SMIM36: variants seen among roughly 807,000 people sequenced by gnomAD.
SMIM36 encodes small integral membrane protein 36.
At chr17:55,458,518 C>T (rs970417318) in intron 4 of SMIM36, 1 of 152,354 alleles carries the variant, frequency 6.6e-6, no homozygotes, top group African/African-American at 2.4e-5. Flanking sequence ...CCCGACACCA[C>T]CCTGGCCTGC....
In SMIM36 at chr17:55,488,637, T is replaced by C. The variant is rs575275660; in HGVS notation, c.*175-9057A>G. Among the ~76,000 whole-genome samples the C allele has an allele frequency of 2.0e-5, 3 of 152,360 alleles. 1 individual carries two copies. Among genetic ancestry groups the C allele is most frequent in the Admixed American group, 2.0e-4 (3 of 15,304 alleles). On this transcript the variant is annotated intron_variant, in intron 1 of 4. Coordinates refer to ENST00000636752, the Ensembl canonical transcript of SMIM36. The stretch of plus-strand genomic sequence containing the variant: ...CTGCAATGAGGACATACTATTCCAT[T>C]GTAAAGATGCACCATATGTTATTAA...
chr17:55,520,094 G>T, the SMIM36 span, among the ~76,000 whole-genome samples: 3 of 152,230 alleles, frequency 2.0e-5, no homozygotes, highest in African/African-American at 7.2e-5. Flanking sequence ...TCTTCTCATG[G>T]CTACTGGTAT....
chr17:55,487,524 G>A (rs185386651), intron 1 of SMIM36, among the ~76,000 whole-genome samples: 28 of 152,182 alleles, frequency 1.8e-4, no homozygotes, highest in Non-Finnish European at 3.5e-4. Flanking sequence ...AAATTCCAGA[G>A]GCTAAAAAAG....
At chr17:55,497,572 T>A (rs1909831721) in intron 1 of SMIM36, among the ~76,000 whole-genome samples, 1 of 151,968 alleles carries the variant, frequency 6.6e-6, no homozygotes, top group African/African-American at 2.4e-5. Context: ...GCCTACCCTC[T>A]TAAAAAAACA....
chr17:55,455,852 T>A (rs770195314), intron 4 of SMIM36, among the ~76,000 whole-genome samples: 2 of 151,460 alleles, frequency 1.3e-5, no homozygotes, highest in Non-Finnish European at 2.9e-5. Context: ...GTGCGGTGGC[T>A]CACACCTGTA....
intron 1 of SMIM36, among the ~76,000 whole-genome samples, chr17:55,485,540 C>T (rs868245630): frequency 6.6e-6 from 1 of 151,910 alleles, no homozygotes; most frequent in Admixed American, 6.6e-5. Flanking sequence ...CCCCCCACCT[C>T]GGCCTCTCAA....
At chr17:55,457,651 C>T (rs1275979122) in intron 4 of SMIM36, among the ~76,000 whole-genome samples, 2 of 151,520 alleles carry the variant, frequency 1.3e-5, no homozygotes, top group African/African-American at 4.8e-5. Context: ...TTCAGCCTCC[C>T]GAGTAGCTGG....
the SMIM36 span, among the ~76,000 whole-genome samples, chr17:55,525,196 C>T: frequency 1.3e-5 from 2 of 152,202 alleles, no homozygotes; most frequent in Non-Finnish European, 2.9e-5. Context: ...GCTTAGCCTT[C>T]TGTTAGCACC....
At chr17:55,501,573 A>T (rs1225320437) in intron 1 of SMIM36, among the ~76,000 whole-genome samples, 17 of 128,714 alleles carry the variant, frequency 1.3e-4, no homozygotes, top group Non-Finnish European at 2.3e-4. Flanking sequence ...ATACATAATA[A>T]TTATATATTC....
the SMIM36 span, among the ~76,000 whole-genome samples, chr17:55,519,331 T>TG: frequency 2.0e-5 from 3 of 152,060 alleles, no homozygotes; most frequent in African/African-American, 7.2e-5. Flanking sequence ...ACCTGTACAC[T>TG]GGGTAAGGAG....
At chr17:55,461,055 AGGTAATAAGATATTG>A in intron 4 of SMIM36, among the ~76,000 whole-genome samples, 1 of 152,292 alleles carries the variant, frequency 6.6e-6, no homozygotes, top group African/African-American at 2.4e-5. Flanking sequence ...CACAGACTGA[AGGTAATAAGATATTG>A]GGAACTGAGA....
chr17:55,474,533 T>A (rs554575256), intron 3 of SMIM36, among the ~76,000 whole-genome samples: 1 of 114,826 alleles, frequency 8.7e-6, no homozygotes, highest in South Asian at 2.9e-4. Flanking sequence ...CCTACTCCAT[T>A]TGAGTGGAAG....
intron 4 of SMIM36, among the ~76,000 whole-genome samples, chr17:55,453,447 T>C (rs1191042109): frequency 1.3e-5 from 2 of 152,246 alleles, no homozygotes; most frequent in African/African-American, 2.4e-5. Context: ...CATAGGTTTC[T>C]TGGCAAGTTC....
chr17:55,511,480 C>T (rs550978100), upstream of SMIM36: 20 of 389,738 alleles, frequency 5.1e-5, no homozygotes, highest in East Asian at 1.5e-4. Context: ...CAGGAGACCT[C>T]GAGGATTAAA....
At chr17:55,494,311 C>A (rs1909768850) in intron 1 of SMIM36, among the ~76,000 whole-genome samples, 2 of 151,628 alleles carry the variant, frequency 1.3e-5, no homozygotes, top group South Asian at 4.2e-4. Flanking sequence ...AACAGAAGAA[C>A]TTTCCTTTGT....
intron 1 of SMIM36, among the ~76,000 whole-genome samples, chr17:55,508,444 ATATATATAT>A (rs1910121163): frequency 1.9e-5 from 1 of 53,592 alleles, no homozygotes; most frequent in Admixed American, 1.4e-4. Context: ...ATATATATAT[ATATATATAT>A]ATATATATAT....
At chr17:55,528,400 T>G in the SMIM36 span, among the ~76,000 whole-genome samples, 1 of 152,190 alleles carries the variant, frequency 6.6e-6, no homozygotes, top group East Asian at 1.9e-4. Flanking sequence ...CACCCAGGCC[T>G]GAGTGCAGTG....
chr17:55,497,422 G>A (rs1476428446), intron 1 of SMIM36, among the ~76,000 whole-genome samples: 13 of 152,094 alleles, frequency 8.5e-5, no homozygotes, highest in African/African-American at 2.7e-4. Flanking sequence ...GCGCCACCAC[G>A]CCCGGCTAAT....
chr17:55,489,251 G>A (rs554962337), intron 1 of SMIM36, among the ~76,000 whole-genome samples: 1 of 152,200 alleles, frequency 6.6e-6, no homozygotes, highest in East Asian at 1.9e-4. Flanking sequence ...GGTGGTGCAT[G>A]CCTGTAATCC....
Sources: allele counts gnomAD v4.1 joint callset (sites outside exome capture counted in the v4.1 genomes callset), GRCh38; gene constraint gnomAD v4.1.1; transcripts MANE v1.5; gene names NCBI Gene and HGNC (gene_info 2026-07-23, HGNC 2026-07-21).